ABCB8: variants seen among roughly 807,000 people sequenced by gnomAD.
ABCB8 encodes mitochondrial potassium channel ATP-binding subunit.
A neutral mutation model predicts 73.0 loss-of-function variants in ABCB8; 52 were observed. The observed-to-expected ratio is 0.71, with a 90% CI of 0.57 to 0.90. The LOEUF (loss-of-function observed/expected upper bound fraction) is 0.90, where lower values mean the gene tolerates loss of function less well. ABCB8 is among the 40% of genes least tolerant of loss of function. The pLI is 0.00. For missense variants in ABCB8, 909 were observed against 974.6 expected (o/e 0.93, Z 0.90); for synonymous variants, 428 against 423.5 (o/e 1.01, Z -0.13).
In ABCB8 at chr7:151,045,660, C is replaced by T; in HGVS notation, c.*311C>T. ...TCCCTTTGCCCAGACCCCTCCAGAC[C>T]TCTCAAGAGACGTTCTGGCCAGTCT... On this transcript the variant is annotated 3_prime_UTR_variant, in exon 16 of 16. Coordinates refer to ENST00000358849, the MANE Select transcript of ABCB8 (RefSeq NM_007188.5). The T allele has an allele frequency of 3.4e-6, 1 of 296,744 alleles. No individual in the cohort carries two copies. The highest frequency in any genetic ancestry group is 6.2e-6 in the Non-Finnish European group (1 of 161,776). The allele number at this position is 296,744 out of a possible 1,614,324, so 18.4% of individuals were successfully genotyped here.
chr7:151,030,510 C>CAAAT (rs59305252), intron 1 of ABCB8, among the ~76,000 whole-genome samples: 4 of 150,148 alleles, frequency 2.7e-5, no homozygotes, highest in African/African-American at 9.9e-5. Flanking sequence ...GACTCCGTCT[C>CAAAT]AAATAAATAA....
chr7:151,045,158 G>A (rs1454442217), intron 15 of ABCB8, 51 bp from the exon 16 acceptor site: 1 of 1,486,816 alleles, frequency 6.7e-7, no homozygotes, highest in African/African-American at 1.4e-5. Flanking sequence ...TGAGGGTTCT[G>A]AAGCCTGCAT....
rs756586758 is a variant in ABCB8 at position 151,045,295 on chromosome 7, G to A, written c.2103G>A (p.Ala701=). The change falls in exon 16 of 16, where the codon GCG becomes GCA. Residue 701 remains alanine, a synonymous_variant. Coordinates refer to ENST00000358849, the MANE Select transcript of ABCB8 (RefSeq NM_007188.5). ...AGGCCCTGGATGCCCCGAGGACAGC[G>A]GCCCCACCGCCCAAAAAGCCAGAAG... ...RRQALDAPRT[A]APPPKKPEGP... is the part of the protein sequence containing the mutation. 29 of 1,601,182 alleles carry A rather than the reference G, an allele frequency of 1.8e-5. No individual in the cohort carries two copies. Among genetic ancestry groups the A allele is most frequent in the Middle Eastern group, 1.7e-4 (1 of 6,026 alleles).
At chr7:151,030,241 C>A (rs1563283357) in intron 1 of ABCB8, among the ~76,000 whole-genome samples, 1 of 152,238 alleles carries the variant, frequency 6.6e-6, no homozygotes, top group Non-Finnish European at 1.5e-5. Context: ...ATAGGCTGGG[C>A]ACGGTGGCTC....
Position 151,040,489 on chromosome 7 carries a change from C to T in ABCB8, c.1252-9C>T. The T allele has an allele frequency of 1.9e-6, 3 of 1,606,468 alleles. No individual in the cohort carries two copies. The highest frequency in any genetic ancestry group is 2.6e-6 in the Non-Finnish European group (3 of 1,174,988). Reference sequence around the variant, plus strand: ...TGCCTCCCTGCGGACTTTGGATCCCCTCCCACAGGTGGTCCGGGGGCTGAG... The same window carrying T: ...TGCCTCCCTGCGGACTTTGGATCCCTTCCCACAGGTGGTCCGGGGGCTGAG... On this transcript the variant is annotated splice_polypyrimidine_tract_variant and intron_variant, in intron 10 of 15. Transcript: ENST00000358849.
At chr7:151,033,435 T>C (rs1796217655) in intron 1 of ABCB8, 170 bp from the exon 2 acceptor site, 2 of 1,401,840 alleles carry the variant, frequency 1.4e-6, no homozygotes, top group Non-Finnish European at 1.9e-6. Context: ...CCCATGGACA[T>C]GTCTTAGAAA....
chr7:151,028,670 C>G, intron 1 of ABCB8, 60 bp downstream of exon 1: 1 of 1,577,176 alleles, frequency 6.3e-7, no homozygotes, highest in East Asian at 2.3e-5. Context: ...GCAGTGCCGG[C>G]CCGCCGGGAG....
chr7:151,032,892 G>T (rs1322976550), intron 1 of ABCB8: 1 of 392,982 alleles, frequency 2.5e-6, no homozygotes, highest in Non-Finnish European at 5.3e-6. Context: ...GGGAGGGGAG[G>T]TAGGGTAATG....
intron 8 of ABCB8, 152 bp downstream of exon 8, chr7:151,036,322 G>A (rs1796307639): frequency 8.6e-6 from 8 of 934,524 alleles, no homozygotes; most frequent in East Asian, 2.6e-5. Context: ...GGAGGGTGCC[G>A]ATGTCCCAAC....
chr7:151,043,260 T>A (rs995671875), intron 14 of ABCB8, among the ~76,000 whole-genome samples: 17 of 152,314 alleles, frequency 1.1e-4, no homozygotes, highest in African/African-American at 4.1e-4. Flanking sequence ...GGCAACTCCC[T>A]TGGAGTGCAC....
chr7:151,034,275 G>A lies in ABCB8; in HGVS notation c.411G>A (p.Leu137=), dbSNP rs779818879. The stretch of plus-strand genomic sequence containing the variant: ...TGCCCTCTGTCTCCCCATTCCAGCT[G>A]GCCTTGGGTGCGGCACTCGTGAATG... The part of the protein sequence containing the change: ...HLLVLGVAVV[L]ALGAALVNVQ... The change falls in exon 3 of 16, where the codon CTG becomes CTA. Residue 137 remains leucine (L), a splice_region_variant and synonymous_variant. Transcript: ENST00000358849. 4 of 1,611,384 alleles carry A rather than the reference G, an allele frequency of 2.5e-6. No individual in the cohort carries two copies. In the South Asian group the frequency reaches 3.3e-5, roughly 13 times the overall value.
At chr7:151,042,385 G>A (rs1197289372) in intron 14 of ABCB8, among the ~76,000 whole-genome samples, 1 of 152,198 alleles carries the variant, frequency 6.6e-6, no homozygotes, top group East Asian at 1.9e-4. Context: ...GAGGGCATAT[G>A]ACAGGCTCCT....
rs1695778598 is a variant in ABCB8 at position 151,045,946 on chromosome 7, C to G, written c.*597C>G. The G allele has an allele frequency of 6.6e-6, 1 of 152,346 alleles. No individual in the cohort carries two copies. Among genetic ancestry groups the G allele is most frequent in the Admixed American group, 6.5e-5 (1 of 15,284 alleles). The allele number at this position is 152,346 out of a possible 1,614,324, so 9.4% of individuals were successfully genotyped here. A position where few individuals can be genotyped will look rare whatever the true frequency, so the allele number is the denominator to read the frequency against. ...AAACAACCTCCCTCCTTTCTCCCTG[C>G]ACAGTGAACACAGTCCTGATTTCTA... is the stretch of plus-strand genomic sequence containing the variant. On this transcript the variant is annotated 3_prime_UTR_variant, in exon 16 of 16. Coordinates refer to ENST00000358849, the MANE Select transcript of ABCB8 (RefSeq NM_007188.5).
chr7:151,032,855 G>A, intron 1 of ABCB8: 1 of 362,416 alleles, frequency 2.8e-6, no homozygotes, highest in Non-Finnish European at 5.6e-6. Context: ...TGTGGAGAGG[G>A]AGTGTGTGTC....
At chr7:151,030,367 T>C (rs926961358) in intron 1 of ABCB8, among the ~76,000 whole-genome samples, 2 of 151,210 alleles carry the variant, frequency 1.3e-5, no homozygotes, top group Non-Finnish European at 2.9e-5. Context: ...ATACAAAAAT[T>C]AGCCAGGCGT....
At chr7:151,041,912 C>A in intron 13 of ABCB8, 49 bp from the exon 14 acceptor site, 1 of 1,597,916 alleles carries the variant, frequency 6.3e-7, no homozygotes, top group South Asian at 1.1e-5. Flanking sequence ...GTTTCTGGGG[C>A]AAAGAGAATG....
chr7:151,039,832 G>C (rs1796407670), intron 9 of ABCB8: 1 of 172,274 alleles, frequency 5.8e-6, no homozygotes, highest in Admixed American at 6.4e-5. Context: ...CTTGATCTCT[G>C]TTCATGGTGG....
rs1796589244 is a variant in ABCB8, at chr7:151,045,417, C to A, written c.*68C>A. 2 of 1,398,104 alleles carry A rather than the reference C, an allele frequency of 1.4e-6. No homozygotes were observed. The allele number at this position is 1,398,104 out of a possible 1,614,324, so 86.6% of individuals were successfully genotyped here. Reference sequence around the variant, plus strand: ...AGGGCTGGGGCTCAGCCTGGGGGAGCCTACTGGGGACTGAGCCCCCAGGAG... The same window carrying A: ...AGGGCTGGGGCTCAGCCTGGGGGAGACTACTGGGGACTGAGCCCCCAGGAG... On this transcript the variant is annotated 3_prime_UTR_variant, in exon 16 of 16. Transcript: ENST00000358849.
rs1785831654 is a variant in ABCB8 at position 151,047,151 on chromosome 7, C to CA, written c.*1806dup. ...ACTCAGTCATCAGCCTCAGGCTGCC[C>CA]AAAATGCCTCTGACACCAGATTTAT... is the stretch of plus-strand genomic sequence containing the variant. On this transcript the variant is annotated 3_prime_UTR_variant, in exon 16 of 16. Coordinates refer to ENST00000358849, the MANE Select transcript of ABCB8 (RefSeq NM_007188.5). 1 of 152,240 alleles carries CA rather than the reference C, an allele frequency of 6.6e-6. No individual in the cohort carries two copies. The highest frequency in any genetic ancestry group is 2.4e-5 in the African/African-American group (1 of 41,464). The allele number at this position is 152,240 out of a possible 1,614,324, so 9.4% of individuals were successfully genotyped here.
Sources: allele counts gnomAD v4.1 joint callset (sites outside exome capture counted in the v4.1 genomes callset), GRCh38; gene constraint gnomAD v4.1.1; transcripts MANE v1.5; gene names NCBI Gene and HGNC (gene_info 2026-07-23, HGNC 2026-07-21).